SPEG: variants seen among roughly 807,000 people sequenced by gnomAD.
The protein encoded by SPEG is striated muscle preferentially expressed protein kinase.
A neutral mutation model predicts 300.4 loss-of-function variants in SPEG; 114 were observed. That is an observed-to-expected ratio of 0.38 (90% CI 0.33 to 0.44). The LOEUF (loss-of-function observed/expected upper bound fraction) is 0.44. Ranked by LOEUF, SPEG falls within the 20% of genes least tolerant of loss-of-function variation. SPEG has a pLI of 1.00. For synonymous variants in SPEG, 1,964 were observed against 2,018.9 expected (o/e 0.97, Z 0.73); for missense variants, 4,201 against 4,586.2 (o/e 0.92, Z 2.43).
At position 219,448,662 on chromosome 2, in the gene SPEG, C is replaced by T. The variant is rs1689503460; in HGVS notation, c.1504C>T (p.Arg502Cys). Residue 502 changes from arginine (R) to cysteine (C), a missense_variant, in exon 4 of 41, where the codon CGC becomes TGC. Transcript: ENST00000312358. ...CTTCGCCCAGGAGCTGGGCCGCATCCGCCGCTCCACGTCGCGGGAGGAGCT... is the reference window on the plus strand; with the variant it reads ...CTTCGCCCAGGAGCTGGGCCGCATCTGCCGCTCCACGTCGCGGGAGGAGCT... The part of the protein sequence containing the change: ...LRFAQELGRI[R>C]RSTSREELVR... 6.7e-7 allele frequency: 1 copy of T among 1,492,110 alleles called. No individual in the cohort carries two copies. The highest frequency in any genetic ancestry group is 1.3e-5 in the South Asian group (1 of 79,772). 92.4% of individuals were successfully genotyped at this position (1,492,110 alleles called of 1,614,324 possible).
chr2:219,466,929 C>T, intron 9 of SPEG: 2 of 1,132,556 alleles, frequency 1.8e-6, no homozygotes, highest in Non-Finnish European at 2.3e-6. Context: ...CTCAGTTTCC[C>T]CTCCCTCAGT....
rs915102006 is a variant in SPEG, at chr2:219,472,751, G to T, written c.3941-139G>T. The T allele has an allele frequency of 7.4e-6, 5 of 678,812 alleles. No homozygotes were observed. The African/African-American group carries it at 9.1e-5, about 12-fold the overall frequency. The allele number at this position is 678,812 out of a possible 1,614,324, so 42.0% of individuals were successfully genotyped here. A position where few individuals can be genotyped will look rare whatever the true frequency, so the allele number is the denominator to read the frequency against. On this transcript the variant is annotated intron_variant, in intron 15 of 40. Transcript: ENST00000312358. ...GTGGCTGGGCAAGAGCAGATGGGGG[G>T]ACAGGCAGGAAGCAACAGCAGAGAC...
Position 219,483,938 on chromosome 2 carries a change from C to T in SPEG, c.6475C>T (p.Arg2159Cys), listed in dbSNP as rs1297913631. 8 of 1,605,554 alleles carry T rather than the reference C, an allele frequency of 5.0e-6. 1 individual carries two copies. Among genetic ancestry groups the T allele is most frequent in the South Asian group, 3.3e-5 (3 of 91,074 alleles). ...GATCCCCGTGGCCAGGCTTGGGGCCCGTAGGCTACAGGAGTCTCCTTCCCT... is the reference window on the plus strand; with the variant it reads ...GATCCCCGTGGCCAGGCTTGGGGCCTGTAGGCTACAGGAGTCTCCTTCCCT... Reference protein sequence around the residue: ...LEIPVARLGARRLQESPSLSA... With the variant: ...LEIPVARLGACRLQESPSLSA... The change falls in exon 30 of 41, where the codon CGT becomes TGT. Residue 2159 changes from arginine (R) to cysteine (C), a missense_variant. This residue lies in a region of SPEG where 1,578 missense variants were observed against 1,506.0 expected (regional missense o/e 1.05). Coordinates refer to ENST00000312358, the MANE Select transcript of SPEG (RefSeq NM_005876.5).
In SPEG at chr2:219,490,532, G is replaced by A. The variant is rs1228761270; in HGVS notation, c.9045G>A (p.Arg3015=). 11 of 1,613,162 alleles carry A rather than the reference G, an allele frequency of 6.8e-6. No individual in the cohort carries two copies. Among genetic ancestry groups the A allele is most frequent in the Non-Finnish European group, 8.5e-6 (10 of 1,180,028 alleles). ...RRVLQEYEVL[R]TLHHERIMSL... is the part of the protein sequence containing the mutation. ...TCCTGCAGGAGTACGAGGTGCTGCGGACCCTGCACCACGAGCGGATCATGT... is the reference window on the plus strand; with the variant it reads ...TCCTGCAGGAGTACGAGGTGCTGCGAACCCTGCACCACGAGCGGATCATGT... The change falls in exon 37 of 41, where the codon CGG becomes CGA. Residue 3015 remains arginine, a synonymous_variant. Coordinates refer to ENST00000312358, the MANE Select transcript of SPEG (RefSeq NM_005876.5).
In SPEG at chr2:219,481,697, A is replaced by G. The variant is rs755112166; in HGVS notation, c.5565+17A>G. On this transcript the variant is annotated intron_variant, in intron 28 of 40. Transcript: ENST00000312358. This position sits in a 1 kb window ranked among gnomAD's most constrained non-coding sequence, Gnocchi z 5.4. ...TGGTTCAAAGTGAGTCTAGTCTGCA[A>G]AGTGGTGGCACAAAAGGTGGAGGGA... 1 of 1,613,248 alleles carries G rather than the reference A, an allele frequency of 6.2e-7. No individual in the cohort carries two copies. The highest frequency in any genetic ancestry group is 8.5e-7 in the Non-Finnish European group (1 of 1,179,198).
intron 6 of SPEG, among the ~76,000 whole-genome samples, chr2:219,455,906 C>T (rs1352619690): frequency 6.6e-6 from 1 of 152,168 alleles, no homozygotes; most frequent in African/African-American, 2.4e-5. Context: ...CCCCATGGGC[C>T]TGGGCCTCAT....
rs1575060002 is a variant in SPEG, at chr2:219,449,246, G to T, written c.2088G>T (p.Arg696=). 1.4e-6 allele frequency: 2 copies of T among 1,391,642 alleles called. No individual in the cohort carries two copies. The highest frequency in any genetic ancestry group is 3.3e-5 in the South Asian group (2 of 60,204). 86.2% of individuals were successfully genotyped at this position (1,391,642 alleles called of 1,614,324 possible). Reference sequence around the variant, plus strand: ...CCCGCAGCCAGGGCAAAGGTCGCCGGGCCCGGCCCACCTCCCCTGAGCTCG... The same window carrying T: ...CCCGCAGCCAGGGCAAAGGTCGCCGTGCCCGGCCCACCTCCCCTGAGCTCG... The part of the protein sequence containing the change: ...RGARSQGKGR[R]ARPTSPELES... Residue 696 remains arginine, a synonymous_variant, in exon 4 of 41, where the codon CGG becomes CGT. Coordinates refer to ENST00000312358, the MANE Select transcript of SPEG (RefSeq NM_005876.5).
intron 1 of SPEG, chr2:219,441,945 C>G (rs1477699559): frequency 1.8e-5 from 5 of 275,654 alleles, no homozygotes; most frequent in African/African-American, 4.5e-5. Context: ...CCACCCGCGC[C>G]GGCTCCCGCC....
Position 219,492,754 on chromosome 2 carries a change from G to T in SPEG, c.9772G>T (p.Val3258Leu). ...RRAEAATRHK[V>L]LLRSYPGGP is the part of the protein sequence containing the mutation. ...GGCTGAGGCTGCCACCCGCCACAAG[G>T]TGCTGCTGCGCTCCTACCCTGGCGG... The change falls in exon 41 of 41, where the codon GTG becomes TTG. Residue 3258 changes from valine to leucine, a missense_variant. Around this residue, in one of 4 missense-constraint regions of SPEG, gnomAD observed 318 missense variants for 429.5 expected, o/e 0.74. Coordinates refer to ENST00000312358, the MANE Select transcript of SPEG (RefSeq NM_005876.5). The T allele has an allele frequency of 6.2e-7, 1 of 1,601,096 alleles. No homozygotes were observed. Among genetic ancestry groups the T allele is most frequent in the Non-Finnish European group, 8.5e-7 (1 of 1,178,624 alleles).
Position 219,490,830 on chromosome 2 carries a change from A to C in SPEG, c.9259A>C (p.Lys3087Gln). 1 of 1,614,052 alleles carries C rather than the reference A, an allele frequency of 6.2e-7. No individual in the cohort carries two copies. The highest frequency in any genetic ancestry group is 8.5e-7 in the Non-Finnish European group (1 of 1,180,032). The change falls in exon 38 of 41, where the codon AAG becomes CAG. Residue 3087 changes from lysine (K) to glutamine (Q), a missense_variant. Physicochemically the swap from Lys to Gln is moderately conservative, Grantham distance 53 (BLOSUM62 1). Coordinates refer to ENST00000312358, the MANE Select transcript of SPEG (RefSeq NM_005876.5). The part of the protein sequence containing the change: ...HGHHVLHLDI[K>Q]PDNLLLAPDN... ...CCACCACGTGCTCCACCTAGACATC[A>C]AGCCAGACAACCTGCTGCTGGCCCC...
At position 219,473,745 on chromosome 2, in the gene SPEG, T is replaced by C; in HGVS notation, c.4289T>C (p.Leu1430Pro). ...VVWRSCRGAL[L>P]EARAGVYELS... is the part of the protein sequence containing the mutation. The stretch of plus-strand genomic sequence containing the variant: ...TCCCCTAGCTGCCGAGGGGCCCTCC[T>C]AGAGGCACGGGCCGGTGTGTACGAG... Residue 1430 changes from leucine to proline, a missense_variant, in exon 18 of 41, where the codon CTA (leucine) becomes CCA (proline). By Grantham distance (98) the Leu-to-Pro change is moderately conservative. Transcript: ENST00000312358. This position sits in a 1 kb window ranked among gnomAD's most constrained non-coding sequence, Gnocchi z 4.6. 6.2e-7 allele frequency: 1 copy of C among 1,613,540 alleles called. No homozygotes were observed. Among genetic ancestry groups the C allele is most frequent in the Non-Finnish European group, 8.5e-7 (1 of 1,179,712 alleles).
intron 3 of SPEG, among the ~76,000 whole-genome samples, 171 bp from the exon 4 acceptor site, chr2:219,447,803 C>A (rs1689425392): frequency 6.6e-6 from 1 of 151,292 alleles, no homozygotes; most frequent in South Asian, 2.1e-4. Flanking sequence ...TCCCCAGCAC[C>A]TGCTCTGGCT....
chr2:219,461,761 C>G (rs2125399753), intron 6 of SPEG, 121 bp from the exon 7 acceptor site: 2 of 1,103,160 alleles, frequency 1.8e-6, no homozygotes, highest in Non-Finnish European at 2.7e-6. Flanking sequence ...GGGGTGAAGT[C>G]AGGGCAGGGC....
At position 219,464,504 on chromosome 2, in the gene SPEG, G is replaced by T; in HGVS notation, c.2777G>T (p.Arg926Leu). The T allele has an allele frequency of 1.2e-6, 2 of 1,614,106 alleles. No individual in the cohort carries two copies. Among genetic ancestry groups the T allele is most frequent in the South Asian group, 2.2e-5 (2 of 91,084 alleles). ...GAGGAGGCTGAGGGTGGGCTGTGCC[G>T]GCTGCGGATCCTGGCTGCAGAGCGT... ...FAEEAEGGLCRLRILAAERGD... is the reference protein window; with the variant it reads ...FAEEAEGGLCLLRILAAERGD... Residue 926 changes from arginine to leucine, a missense_variant, in exon 9 of 41, where the codon CGG becomes CTG. Physicochemically the swap from Arg to Leu is moderately radical, Grantham distance 102. Transcript: ENST00000312358. This position sits in a 1 kb window ranked among gnomAD's most constrained non-coding sequence, Gnocchi z 4.5.
At chr2:219,471,239 G>A (rs1691848436) in intron 13 of SPEG, among the ~76,000 whole-genome samples, 1 of 152,180 alleles carries the variant, frequency 6.6e-6, no homozygotes, top group South Asian at 2.1e-4. Flanking sequence ...GGTAAGAGGA[G>A]AGCATTCCCC....
intron 1 of SPEG, among the ~76,000 whole-genome samples, chr2:219,435,770 C>T (rs2125186926): frequency 6.6e-6 from 1 of 152,310 alleles, no homozygotes; most frequent in South Asian, 2.1e-4. Context: ...AGTCCATGTC[C>T]GAAGGAGGGG....
chr2:219,461,202 TC>T (rs1690658766), intron 6 of SPEG: 1 of 986,898 alleles, frequency 1.0e-6, no homozygotes, highest in Non-Finnish European at 1.2e-6. Context: ...CCCCTCCTCT[TC>T]CCCCAGGCTG....
At chr2:219,490,159 A>G (rs1391158245) in intron 36 of SPEG, among the ~76,000 whole-genome samples, 1 of 152,240 alleles carries the variant, frequency 6.6e-6, no homozygotes, top group African/African-American at 2.4e-5. Flanking sequence ...ACACTGCGCT[A>G]TTAGCATCAC....
intron 6 of SPEG, among the ~76,000 whole-genome samples, chr2:219,455,118 T>A (rs13423673): frequency 8.5e-5 from 13 of 152,156 alleles, no homozygotes; most frequent in African/African-American, 3.1e-4. Flanking sequence ...AATAAATAAA[T>A]AAAAAATACA....
Sources: gnomAD v4.1 joint callset for allele counts (sites outside exome capture counted in the v4.1 genomes callset) on GRCh38, gnomAD v4.1.1 for gene constraint, gnomAD v4.1.1 regional missense constraint, Gnocchi (gnomAD v3.1) non-coding constraint, MANE v1.5 for transcripts, NCBI Gene and HGNC (gene_info 2026-07-23, HGNC 2026-07-21) for gene names.